Variants in PALLD observed in about 807,000 individuals in gnomAD.
The protein encoded by PALLD is palladin.
A neutral mutation model predicts 123.5 loss-of-function variants in PALLD; 61 were observed. That is an observed-to-expected ratio of 0.49 (90% CI 0.40 to 0.61). The LOEUF is 0.61. PALLD is among the 20% of genes least tolerant of loss of function. The pLI, the probability that PALLD is intolerant of heterozygous loss-of-function variation, is 0.00. For synonymous variants in PALLD, 465 were observed against 496.4 expected, an observed-to-expected ratio of 0.94 and a Z score of 0.84; for missense variants, 1,273 against 1,377.0, an observed-to-expected ratio of 0.92 and a Z score of 1.20.
intron 10 of PALLD, among the ~76,000 whole-genome samples, chr4:168,813,376 A>G (rs1741444637): frequency 6.6e-6 from 1 of 152,212 alleles, no homozygotes; most frequent in African/African-American, 2.4e-5. Context: ...CTTTTAATGT[A>G]TCTCTTCCCC....
intron 2 of PALLD, among the ~76,000 whole-genome samples, chr4:168,551,055 C>A (rs1371810028): frequency 6.6e-6 from 1 of 152,086 alleles, no homozygotes; most frequent in Non-Finnish European, 1.5e-5. Flanking sequence ...GTAGTGTATA[C>A]CCTTGTTACA....
intron 10 of PALLD, 147 bp downstream of exon 10, chr4:168,712,070 A>C (rs1784886277): frequency 1.5e-6 from 1 of 681,710 alleles, no homozygotes; most frequent in Non-Finnish European, 2.6e-6. Context: ...GTCTTTCAAC[A>C]ATATAAAAGA....
At chr4:168,550,323 G>A (rs974687426) in intron 2 of PALLD, among the ~76,000 whole-genome samples, 1 of 152,062 alleles carries the variant, frequency 6.6e-6, no homozygotes, top group Non-Finnish European at 1.5e-5. Flanking sequence ...AAAATGGTAA[G>A]TGCTTCAATC....
At chr4:168,574,797 T>A (rs1471600197) in intron 2 of PALLD, among the ~76,000 whole-genome samples, 2 of 152,124 alleles carry the variant, frequency 1.3e-5, no homozygotes, top group African/African-American at 4.8e-5. Context: ...AGAGAACTCA[T>A]AATATGATGG....
chr4:168,926,526 T>C lies in PALLD; in HGVS notation c.*346T>C, dbSNP rs1441521393. ...AAAAACACCAAAATAATATTTTTCT[T>C]ACTTGATATACCAAACTTAGTTTAA... On this transcript the variant is annotated 3_prime_UTR_variant, in exon 22 of 22. Coordinates refer to ENST00000505667, the MANE Select transcript of PALLD (RefSeq NM_001166108.2). 4.9e-6 allele frequency: 3 copies of C among 613,610 alleles called. No homozygotes were observed. In the East Asian group the frequency reaches 8.4e-5, roughly 17 times the overall value. The allele number at this position is 613,610 out of a possible 1,614,324, so 38.0% of individuals were successfully genotyped here.
intron 10 of PALLD, among the ~76,000 whole-genome samples, chr4:168,719,349 CT>C (rs1785733674): frequency 6.7e-6 from 1 of 148,984 alleles, no homozygotes; most frequent in Admixed American, 6.8e-5. Context: ...CCTCCGCCTC[CT>C]GGGTTCAAGT....
In PALLD at chr4:168,878,226, C is replaced by T. The variant is rs1752080178; in HGVS notation, c.1965-12696C>T. 7.9e-6 allele frequency: 12 copies of T among 1,520,668 alleles called. No homozygotes were observed. Among genetic ancestry groups the T allele is most frequent in the Non-Finnish European group, 1.1e-5 (12 of 1,141,670 alleles). The allele number at this position is 1,520,668 out of a possible 1,614,324, so 94.2% of individuals were successfully genotyped here. ...GTGCCCGACGTGTTCCCACTGCCGC[C>T]GCCACCACCGCCGCTCCCGAGCCCG... is the stretch of plus-strand genomic sequence containing the variant. On this transcript the variant is annotated intron_variant, in intron 10 of 21. Transcript: ENST00000505667.
rs565589872 is a variant in PALLD, at chr4:168,617,503, G to C, written c.909-50687G>C. 2.6e-5 allele frequency among the ~76,000 whole-genome samples: 4 copies of C among 152,212 alleles called. No individual in the cohort carries two copies. The South Asian group carries it at 8.3e-4, about 32-fold the overall frequency. The stretch of plus-strand genomic sequence containing the variant: ...TCCTGGGTCACCAGAACAAGACTAG[G>C]GGCCGGCCAGTCAAGCAGTAGGAAG... On this transcript the variant is annotated intron_variant, in intron 2 of 21. Transcript: ENST00000505667.
In PALLD at chr4:168,877,952, G is replaced by A; in HGVS notation, c.1965-12970G>A. On this transcript the variant is annotated intron_variant, in intron 10 of 21. Transcript: ENST00000505667. ...GCAGTCCTCCGGCTCCTTCAACTACGCGCGCCCCAAGCAGTTCATCGCCGC... is the reference window on the plus strand; with the variant it reads ...GCAGTCCTCCGGCTCCTTCAACTACACGCGCCCCAAGCAGTTCATCGCCGC... 2 of 1,500,458 alleles carry A rather than the reference G, an allele frequency of 1.3e-6. No homozygotes were observed. The highest frequency in any genetic ancestry group is 1.8e-6 in the Non-Finnish European group (2 of 1,130,178). The allele number at this position is 1,500,458 out of a possible 1,614,324, so 92.9% of individuals were successfully genotyped here.
At chr4:168,907,380 C>T (rs1758021410) in intron 15 of PALLD, among the ~76,000 whole-genome samples, 1 of 152,144 alleles carries the variant, frequency 6.6e-6, no homozygotes, top group South Asian at 2.1e-4. Context: ...GGAATTTCTA[C>T]CCAGTATGTT....
intron 10 of PALLD, among the ~76,000 whole-genome samples, chr4:168,737,934 C>G (rs897523801): frequency 2.0e-5 from 3 of 152,224 alleles, no homozygotes; most frequent in African/African-American, 7.2e-5. Context: ...GAGACAGCAG[C>G]AGCTGTGAGG....
intron 10 of PALLD, among the ~76,000 whole-genome samples, chr4:168,748,176 C>T (rs1581255352): frequency 6.6e-6 from 1 of 152,146 alleles, no homozygotes; most frequent in Non-Finnish European, 1.5e-5. Flanking sequence ...AAAATATTTA[C>T]AAAACACATT....
At chr4:168,677,014 T>C (rs745898546) in intron 3 of PALLD, among the ~76,000 whole-genome samples, 24 of 152,026 alleles carry the variant, frequency 1.6e-4, no homozygotes, top group Non-Finnish European at 3.2e-4. Flanking sequence ...GGAGGCAGAA[T>C]AGGAAAAGTT....
chr4:168,700,839 G>T (rs1213441332), intron 8 of PALLD: 3 of 151,950 alleles, frequency 2.0e-5, no homozygotes, highest in Admixed American at 6.6e-5. Flanking sequence ...CTCCAGCCTG[G>T]GCAACAGTGA....
At chr4:168,523,474 A>C (rs1763764368) in intron 2 of PALLD, among the ~76,000 whole-genome samples, 1 of 152,162 alleles carries the variant, frequency 6.6e-6, no homozygotes, top group South Asian at 2.1e-4. Context: ...ACATCTAGGG[A>C]GATGAGAAAG....
rs549172610 is a variant in PALLD, at chr4:168,784,136, G to A, written c.1964+72213G>A. On this transcript the variant is annotated intron_variant, in intron 10 of 21. Transcript: ENST00000505667. Reference sequence around the variant, plus strand: ...AGCTAGGAGCAAGAGCTTAGGGAAAGGAGGAATAAGAGGAGGTAGTTGGCT... The same window carrying A: ...AGCTAGGAGCAAGAGCTTAGGGAAAAGAGGAATAAGAGGAGGTAGTTGGCT... 3.3e-5 allele frequency among the ~76,000 whole-genome samples: 5 copies of A among 152,280 alleles called. No individual in the cohort carries two copies. The East Asian group carries it at 9.7e-4, about 29-fold the overall frequency.
At chr4:168,692,307 T>C (rs1300909655) in intron 8 of PALLD, among the ~76,000 whole-genome samples, 1 of 152,150 alleles carries the variant, frequency 6.6e-6, no homozygotes, top group African/African-American at 2.4e-5. Flanking sequence ...GGAGGCTGAG[T>C]AGCATCCTTA....
chr4:168,556,948 A>T (rs1767373723), intron 2 of PALLD, among the ~76,000 whole-genome samples: 1 of 152,228 alleles, frequency 6.6e-6, no homozygotes, highest in Non-Finnish European at 1.5e-5. Context: ...ATTAGAAGGC[A>T]GGAAGCAGAG....
chr4:168,735,081 G>T lies in PALLD; in HGVS notation c.1964+23158G>T, dbSNP rs78332403. Among the ~76,000 whole-genome samples, 493 of 152,284 alleles carry T rather than the reference G, an allele frequency of 3.2e-3. 3 individuals carry two copies. Among genetic ancestry groups the T allele is most frequent in the African/African-American group, 0.011 (467 of 41,554 alleles). On this transcript the variant is annotated intron_variant, in intron 10 of 21. Coordinates refer to ENST00000505667, the MANE Select transcript of PALLD (RefSeq NM_001166108.2). ...GTCATTCTCATGAATATCAAAGATT[G>T]AGCCTGTTATTCATTGAAGAGCTCT... is the stretch of plus-strand genomic sequence containing the variant.
Sources: gnomAD v4.1 joint callset for allele counts (sites outside exome capture counted in the v4.1 genomes callset) on GRCh38, gnomAD v4.1.1 for gene constraint, MANE v1.5 for transcripts, NCBI Gene and HGNC (gene_info 2026-07-23, HGNC 2026-07-21) for gene names.